The following TASP1 variants were observed in gnomAD, a reference collection of about 807,000 sequenced individuals.
The protein encoded by TASP1 is taspase 1, also known as threonine aspartase 1.
Under a neutral mutation model 56.6 loss-of-function variants are expected in TASP1, and 16 were observed. The ratio of observed to expected loss-of-function variants is 0.28; its 90% CI spans 0.19 to 0.43. TASP1 has a LOEUF of 0.43. TASP1 is among the 20% of genes least tolerant of loss of function. The pLI is 1.00. For synonymous variants in TASP1, 179 were observed against 184.2 expected (o/e 0.97, Z 0.23); for missense variants, 393 against 511.6 (o/e 0.77, Z 2.24).
At chr20:13,423,081 A>C (rs1006390647) in intron 12 of TASP1, among the ~76,000 whole-genome samples, 1 of 152,242 alleles carries the variant, frequency 6.6e-6, no homozygotes, top group African/African-American at 2.4e-5. Flanking sequence ...ATCTTCATCA[A>C]AGTAGCTTTA....
chr20:13,374,349 A>ATTTT, the TASP1 span, among the ~76,000 whole-genome samples: 8 of 142,308 alleles, frequency 5.6e-5, no homozygotes, highest in African/African-American at 1.8e-4. Flanking sequence ...CTGTCTCGTA[A>ATTTT]TTTTTTTTTT....
the TASP1 span, among the ~76,000 whole-genome samples, chr20:13,290,473 T>C: frequency 6.6e-6 from 1 of 151,972 alleles, no homozygotes; most frequent in Non-Finnish European, 1.5e-5. Context: ...CACGGTGAAA[T>C]GCCGTCTCTA....
chr20:13,291,646 T>A, the TASP1 span, among the ~76,000 whole-genome samples: 2 of 152,158 alleles, frequency 1.3e-5, no homozygotes, highest in Non-Finnish European at 2.9e-5. Context: ...TAAGTTTGAG[T>A]AGAGCTGGGT....
At chr20:13,160,737 T>A in the TASP1 span, among the ~76,000 whole-genome samples, 1 of 152,220 alleles carries the variant, frequency 6.6e-6, no homozygotes. Context: ...GAGTCAACTA[T>A]GTGCAAACTT....
chr20:13,294,501 G>A, the TASP1 span, among the ~76,000 whole-genome samples: 1 of 152,220 alleles, frequency 6.6e-6, no homozygotes, highest in Non-Finnish European at 1.5e-5. Flanking sequence ...GCAGCATCTA[G>A]CTGCTTTGCA....
chr20:13,527,616 G>A (rs1025817057), intron 10 of TASP1, among the ~76,000 whole-genome samples: 4 of 151,748 alleles, frequency 2.6e-5, no homozygotes, highest in South Asian at 2.1e-4. Context: ...ACACACGCAC[G>A]CACGCACACA....
At chr20:13,538,253 C>T (rs1021878049) in intron 8 of TASP1, among the ~76,000 whole-genome samples, 3 of 152,212 alleles carry the variant, frequency 2.0e-5, no homozygotes, top group South Asian at 2.1e-4. Context: ...ATCCACCTGC[C>T]TTGGCCTCCC....
At chr20:13,480,246 C>A (rs2043089873) in intron 11 of TASP1, among the ~76,000 whole-genome samples, 1 of 152,166 alleles carries the variant, frequency 6.6e-6, no homozygotes, top group Non-Finnish European at 1.5e-5. Flanking sequence ...AATAAAACTG[C>A]TGAAGCAACT....
intron 11 of TASP1, among the ~76,000 whole-genome samples, chr20:13,439,835 TAGAAAG>T (rs1252882174): frequency 2.0e-5 from 3 of 152,002 alleles, no homozygotes; most frequent in African/African-American, 7.2e-5. Flanking sequence ...ACAGGAGTTT[TAGAAAG>T]AGAGACTAGA....
chr20:13,156,333 A>G, the TASP1 span, among the ~76,000 whole-genome samples: 4 of 152,232 alleles, frequency 2.6e-5, no homozygotes, highest in South Asian at 2.1e-4. Context: ...AACCAACCCA[A>G]TGAGAAGAGT....
At chr20:13,280,446 G>A in the TASP1 span, among the ~76,000 whole-genome samples, 15 of 150,478 alleles carry the variant, frequency 1.0e-4, no homozygotes, top group African/African-American at 3.2e-4. Flanking sequence ...GGTTTCCTGT[G>A]TTTTGGGAGT....
the TASP1 span, among the ~76,000 whole-genome samples, chr20:13,348,201 C>A: frequency 6.6e-6 from 1 of 152,124 alleles, no homozygotes; most frequent in African/African-American, 2.4e-5. Flanking sequence ...AAGATCTATG[C>A]CAAAGTGTTA....
chr20:13,428,687 C>T (rs2042698999), intron 12 of TASP1, among the ~76,000 whole-genome samples: 1 of 152,120 alleles, frequency 6.6e-6, no homozygotes, highest in East Asian at 1.9e-4. Context: ...TCCAAATTGT[C>T]CCTTTACAAG....
chr20:13,182,795 A>G, the TASP1 span, among the ~76,000 whole-genome samples: 1 of 152,350 alleles, frequency 6.6e-6, no homozygotes, highest in African/African-American at 2.4e-5. Context: ...TCAAACAAGT[A>G]GCGAATTATC....
At chr20:13,529,088 T>C (rs541239736) in intron 9 of TASP1, among the ~76,000 whole-genome samples, 2 of 152,080 alleles carry the variant, frequency 1.3e-5, no homozygotes, top group Non-Finnish European at 2.9e-5. Flanking sequence ...GAAGTGCAAA[T>C]AGTTCTGTAC....
the TASP1 span, among the ~76,000 whole-genome samples, chr20:13,147,043 T>C: frequency 6.6e-6 from 1 of 152,190 alleles, no homozygotes; most frequent in Non-Finnish European, 1.5e-5. Flanking sequence ...ACAGTGTATC[T>C]GAGCAGCTGG....
chr20:13,195,208 A>G, the TASP1 span, among the ~76,000 whole-genome samples: 1 of 152,218 alleles, frequency 6.6e-6, no homozygotes, highest in African/African-American at 2.4e-5. Flanking sequence ...ATACTTTGTA[A>G]ACTAAAATTT....
chr20:13,231,515 T>C, the TASP1 span, among the ~76,000 whole-genome samples: 1 of 152,202 alleles, frequency 6.6e-6, no homozygotes, highest in African/African-American at 2.4e-5. Context: ...CAGAGGCGTG[T>C]GGGATTGTCA....
At chr20:13,116,456 C>T in the TASP1 span, among the ~76,000 whole-genome samples, 1 of 152,124 alleles carries the variant, frequency 6.6e-6, no homozygotes, top group Admixed American at 6.5e-5. Context: ...TGATTACTGT[C>T]AGATTTTTTT....
Sources: allele counts gnomAD v4.1 joint callset (sites outside exome capture counted in the v4.1 genomes callset), GRCh38; gene constraint gnomAD v4.1.1; transcripts MANE v1.5; gene names NCBI Gene and HGNC (gene_info 2026-07-23, HGNC 2026-07-21).